The following UBE2T variants were observed in gnomAD, a reference collection of about 807,000 sequenced individuals.
UBE2T encodes ubiquitin-conjugating enzyme E2 T.
UBE2T carries 15 observed loss-of-function variants against 23.3 expected under a neutral mutation model. That is an observed-to-expected ratio of 0.64 (90% CI 0.43 to 0.99). The LOEUF (loss-of-function observed/expected upper bound fraction) is 0.99, where lower values mean the gene tolerates loss of function less well. UBE2T is among the 50% of genes least tolerant of loss of function. The pLI is 0.00. For missense variants in UBE2T, 197 were observed against 234.9 expected (o/e 0.84, Z 1.05); for synonymous variants, 67 against 78.4 (o/e 0.85, Z 0.77).
At chr1:202,341,389 T>C (rs1655001683) in intron 1 of UBE2T, among the ~76,000 whole-genome samples, 2 of 150,466 alleles carry the variant, frequency 1.3e-5, no homozygotes, top group African/African-American at 2.4e-5. Flanking sequence ...CCATCCCGGC[T>C]AAAACGGTGA....
rs1347960461 is a variant in UBE2T, at chr1:202,333,071, TTATTA to T, written c.402_406del (p.Tyr134Ter). The T allele has an allele frequency of 1.2e-6, 2 of 1,613,822 alleles. No individual in the cohort carries two copies. Among genetic ancestry groups the T allele is most frequent in the Non-Finnish European group, 1.7e-6 (2 of 1,179,920 alleles). ...TCTGGCATTCTTGAGGAAGGCTGGC[TTATTA>T]TATTTAAATTCTGAGGACTGAGATG... On this transcript the variant is annotated stop_gained and frameshift_variant, in exon 6 of 7. Transcript: ENST00000646651. LOFTEE classifies it high-confidence loss of function.
At position 202,335,240 on chromosome 1, in the gene UBE2T, T is replaced by C; in HGVS notation, c.110-182A>G. Reference sequence around the variant, plus strand: ...AATGCTAATGTACTCAAAAAGTTAATGGTGTCAAACAAAGGACATATAGAA... The same window carrying C: ...AATGCTAATGTACTCAAAAAGTTAACGGTGTCAAACAAAGGACATATAGAA... On this transcript the variant is annotated intron_variant, in intron 2 of 6. Coordinates refer to ENST00000646651, the MANE Select transcript of UBE2T (RefSeq NM_014176.4). This position sits in a 1 kb window ranked among gnomAD's most constrained non-coding sequence, Gnocchi z 4.0. 3.4e-6 allele frequency: 2 copies of C among 592,264 alleles called. No homozygotes were observed. Among genetic ancestry groups the C allele is most frequent in the East Asian group, 2.8e-5 (1 of 35,876 alleles). The allele number at this position is 592,264 out of a possible 1,614,324, so 36.7% of individuals were successfully genotyped here.
At chr1:202,340,840 A>G (rs1654985940) in intron 1 of UBE2T, among the ~76,000 whole-genome samples, 1 of 152,228 alleles carries the variant, frequency 6.6e-6, no homozygotes, top group South Asian at 2.1e-4. Flanking sequence ...CAGCCTCACT[A>G]TGTTAACCAA....
chr1:202,335,470 A>T lies in UBE2T; in HGVS notation c.109+176T>A. Reference sequence around the variant, plus strand: ...CATAAGGTATAATAAAAAGTCAAAGAAGCAAGAAATGTCAAGCAAACCTTT... The same window carrying T: ...CATAAGGTATAATAAAAAGTCAAAGTAGCAAGAAATGTCAAGCAAACCTTT... On this transcript the variant is annotated intron_variant, in intron 2 of 6. Transcript: ENST00000646651. This position sits in a 1 kb window ranked among gnomAD's most constrained non-coding sequence, Gnocchi z 4.0. 1.6e-6 allele frequency: 1 copy of T among 625,620 alleles called. No individual in the cohort carries two copies. 38.8% of individuals were successfully genotyped at this position (625,620 alleles called of 1,614,324 possible).
At chr1:202,337,569 A>C (rs1654915915) in intron 1 of UBE2T, among the ~76,000 whole-genome samples, 1 of 152,194 alleles carries the variant, frequency 6.6e-6, no homozygotes, top group South Asian at 2.1e-4. Flanking sequence ...TCATTTACTG[A>C]ATCAGTCCAT....
At chr1:202,341,301 G>A (rs1323915909) in intron 1 of UBE2T, among the ~76,000 whole-genome samples, 1 of 152,084 alleles carries the variant, frequency 6.6e-6, no homozygotes, top group Admixed American at 6.6e-5. Context: ...AGAACAGGCC[G>A]GGCGCGGTGG....
At position 202,333,485 on chromosome 1, in the gene UBE2T, T is replaced by G; in HGVS notation, c.250A>C (p.Arg84=). Reference sequence around the variant, plus strand: ...AATTTGAGAACATCCAGACAAATCCTTCCAGCAGAATCAATGTTTGGATGA... The same window carrying G: ...AATTTGAGAACATCCAGACAAATCCGTCCAGCAGAATCAATGTTTGGATGA... The part of the protein sequence containing the change: ...IYHPNIDSAG[R]ICLDVLKLPP... Residue 84 remains arginine, a synonymous_variant, in exon 4 of 7, where the codon AGG becomes CGG. Coordinates refer to ENST00000646651, the MANE Select transcript of UBE2T (RefSeq NM_014176.4). 1 of 1,614,196 alleles carries G rather than the reference T, an allele frequency of 6.2e-7. No homozygotes were observed. The highest frequency in any genetic ancestry group is 8.5e-7 in the Non-Finnish European group (1 of 1,180,038).
At chr1:202,340,593 G>A (rs563144626) in intron 1 of UBE2T, among the ~76,000 whole-genome samples, 2 of 152,028 alleles carry the variant, frequency 1.3e-5, no homozygotes, top group African/African-American at 4.8e-5. Context: ...TATATGGGAG[G>A]ACATGCATAG....
chr1:202,341,215 T>C (rs1366224802), intron 1 of UBE2T, among the ~76,000 whole-genome samples: 1 of 152,188 alleles, frequency 6.6e-6, no homozygotes, highest in Non-Finnish European at 1.5e-5. Context: ...TAGTCTTTTT[T>C]TGTATCAAGT....
intron 1 of UBE2T, among the ~76,000 whole-genome samples, chr1:202,336,454 G>GT (rs1416382850): frequency 2.6e-5 from 4 of 151,860 alleles, no homozygotes; most frequent in African/African-American, 9.7e-5. Context: ...TCTTGTGAAC[G>GT]TTTATCTATA....
chr1:202,335,573 C>T lies in UBE2T; in HGVS notation c.109+73G>A, dbSNP rs752415295. 1.2e-5 allele frequency: 18 copies of T among 1,457,824 alleles called. No individual in the cohort carries two copies. Among genetic ancestry groups the T allele is most frequent in the Admixed American group, 3.4e-5 (2 of 58,838 alleles). The allele number at this position is 1,457,824 out of a possible 1,614,324, so 90.3% of individuals were successfully genotyped here. ...AACTGCTCCTTACTTTAGAAGAATA[C>T]ACAAAATGTTTTATTTCAGCACAAT... On this transcript the variant is annotated intron_variant, in intron 2 of 6. Coordinates refer to ENST00000646651, the MANE Select transcript of UBE2T (RefSeq NM_014176.4). This position sits in a 1 kb window ranked among gnomAD's most constrained non-coding sequence, Gnocchi z 4.0.
At chr1:202,338,089 G>T (rs577095185) in intron 1 of UBE2T, among the ~76,000 whole-genome samples, 149 of 152,152 alleles carry the variant, frequency 9.8e-4, no homozygotes, top group African/African-American at 3.5e-3. Context: ...CTTTCCAAAG[G>T]TTTTATAATT....
chr1:202,334,802 C>A (rs745986784), intron 3 of UBE2T, among the ~76,000 whole-genome samples, 187 bp downstream of exon 3: 1 of 152,128 alleles, frequency 6.6e-6, no homozygotes, highest in African/African-American at 2.4e-5. Context: ...TTGATGTGAT[C>A]TCGCCCATTG....
intron 3 of UBE2T, among the ~76,000 whole-genome samples, chr1:202,334,414 T>C (rs1327784303): frequency 6.6e-6 from 1 of 152,154 alleles, no homozygotes; most frequent in African/African-American, 2.4e-5. Context: ...AGGGCAAAAC[T>C]ACTGGATACT....
chr1:202,336,262 C>T (rs1486896518), intron 1 of UBE2T, among the ~76,000 whole-genome samples: 3 of 147,200 alleles, frequency 2.0e-5, no homozygotes, highest in Non-Finnish European at 4.5e-5. Context: ...TGCTCTGTCA[C>T]CCAGGCTGGA....
At chr1:202,338,197 C>T (rs1654926634) in intron 1 of UBE2T, among the ~76,000 whole-genome samples, 1 of 152,024 alleles carries the variant, frequency 6.6e-6, no homozygotes, top group South Asian at 2.1e-4. Flanking sequence ...CCATTTCTTA[C>T]TGATACATGT....
intron 1 of UBE2T, among the ~76,000 whole-genome samples, chr1:202,336,908 A>G (rs1171365403): frequency 6.6e-6 from 1 of 151,906 alleles, no homozygotes; most frequent in Admixed American, 6.6e-5. Context: ...ACTCTTCTCA[A>G]CTCTAGTTCT....
chr1:202,340,944 G>A (rs373803132), intron 1 of UBE2T, among the ~76,000 whole-genome samples: 13 of 152,090 alleles, frequency 8.5e-5, no homozygotes, highest in East Asian at 7.7e-4. Context: ...CTTATATCCC[G>A]CCTTATATCC....
At chr1:202,338,496 C>T (rs990139904) in intron 1 of UBE2T, among the ~76,000 whole-genome samples, 2 of 152,168 alleles carry the variant, frequency 1.3e-5, no homozygotes, top group South Asian at 2.1e-4. Flanking sequence ...GCTGGGATTA[C>T]AGGCATGAGC....
Sources: gnomAD v4.1 joint callset for allele counts (sites outside exome capture counted in the v4.1 genomes callset) on GRCh38, gnomAD v4.1.1 for gene constraint, Gnocchi (gnomAD v3.1) non-coding constraint, MANE v1.5 for transcripts, NCBI Gene and HGNC (gene_info 2026-07-23, HGNC 2026-07-21) for gene names.